LRRTM4: variants seen among roughly 807,000 people sequenced by gnomAD.
LRRTM4 encodes the protein leucine-rich repeat transmembrane neuronal protein 4.
LRRTM4 carries 25 observed loss-of-function variants against 47.6 expected under a neutral mutation model. The ratio of observed to expected loss-of-function variants is 0.53; its 90% CI spans 0.38 to 0.73. The LOEUF is 0.73. LRRTM4 is among the 30% of genes least tolerant of loss of function. The probability of loss-of-function intolerance (pLI) is 0.00; values close to 1 mark genes in which losing one functional copy is unlikely to be tolerated. For synonymous variants in LRRTM4, 311 were observed against 269.5 expected, an observed-to-expected ratio of 1.15 and a Z score of -1.51; for missense variants, 638 against 713.4, an observed-to-expected ratio of 0.89 and a Z score of 1.20.
intron 3 of LRRTM4, among the ~76,000 whole-genome samples, chr2:77,029,456 A>G (rs1236571238): frequency 2.0e-5 from 3 of 151,774 alleles, no homozygotes; most frequent in Admixed American, 6.6e-5. Context: ...TTGGAGTCTG[A>G]TGTTCGAGAG....
chr2:77,328,842 T>C (rs977768714), intron 3 of LRRTM4, among the ~76,000 whole-genome samples: 1 of 152,152 alleles, frequency 6.6e-6, no homozygotes, highest in African/African-American at 2.4e-5. Flanking sequence ...TGCTGATATC[T>C]CGAAAGGCAT....
chr2:76,792,729 C>T (rs1437102347), intron 3 of LRRTM4, among the ~76,000 whole-genome samples: 1 of 152,054 alleles, frequency 6.6e-6, no homozygotes, highest in Non-Finnish European at 1.5e-5. Flanking sequence ...TACTTCAGTA[C>T]ATTTTTCCTG....
At chr2:77,142,430 TACACAC>T (rs71381264) in intron 3 of LRRTM4, among the ~76,000 whole-genome samples, 44,362 of 145,218 alleles carry the variant, frequency 0.31, 6,674 homozygotes, top group East Asian at 0.39. Context: ...CACACACACA[TACACAC>T]ACACACACAC....
intron 3 of LRRTM4, among the ~76,000 whole-genome samples, chr2:77,310,993 T>C (rs772608544): frequency 9.4e-5 from 14 of 148,940 alleles, no homozygotes; most frequent in African/African-American, 2.6e-4. Flanking sequence ...TTTACACACA[T>C]ATATATATAG....
rs555809270 is a variant in LRRTM4 at position 76,998,274 on chromosome 2, G to A, written c.1552-249358C>T. ...CCTGCTATCCCATTCAGCTTATTCA[G>A]TTTAATCCTTCCTATTTCCTACATA... On this transcript the variant is annotated intron_variant, in intron 3 of 3. Transcript: ENST00000409884. Among the ~76,000 whole-genome samples, 7 of 152,110 alleles carry A rather than the reference G, an allele frequency of 4.6e-5. No individual in the cohort carries two copies. In the South Asian group the frequency reaches 1.2e-3, roughly 27 times the overall value.
In LRRTM4 at chr2:76,805,713, A is replaced by C. The variant is rs184855961; in HGVS notation, c.1552-56797T>G. Among the ~76,000 whole-genome samples the C allele has an allele frequency of 3.9e-5, 6 of 152,320 alleles. No homozygotes were observed. The East Asian group carries it at 1.2e-3, about 29-fold the overall frequency. On this transcript the variant is annotated intron_variant, in intron 3 of 3. Transcript: ENST00000409884. ...TAATGACGCATACCATGTATGAAGC[A>C]GTATGTTAAACCATCACGCATCCAC...
intron 3 of LRRTM4, chr2:76,772,965 C>G (rs1440495522): frequency 6.6e-6 from 1 of 152,116 alleles, no homozygotes; most frequent in African/African-American, 2.4e-5. Flanking sequence ...AAAAGCTAAG[C>G]AGGGTAGGGC....
chr2:77,225,218 TG>T (rs1195035151), intron 3 of LRRTM4, among the ~76,000 whole-genome samples: 1 of 30,412 alleles, frequency 3.3e-5, no homozygotes, highest in Non-Finnish European at 5.9e-5. Flanking sequence ...TGTTGTGGGG[TG>T]GGGGGAGGGG....
chr2:77,174,581 T>C (rs184911901), intron 3 of LRRTM4, among the ~76,000 whole-genome samples: 2 of 152,180 alleles, frequency 1.3e-5, no homozygotes, highest in African/African-American at 4.8e-5. Context: ...TCTCCTACCA[T>C]TGCCTGCTGG....
At chr2:76,804,360 A>G (rs1451412959) in intron 3 of LRRTM4, among the ~76,000 whole-genome samples, 6 of 152,044 alleles carry the variant, frequency 3.9e-5, no homozygotes, top group Non-Finnish European at 8.8e-5. Flanking sequence ...GTTGCTTGAA[A>G]TTTTATTTGA....
At chr2:76,806,336 C>G (rs1023826204) in intron 3 of LRRTM4, among the ~76,000 whole-genome samples, 6 of 152,144 alleles carry the variant, frequency 3.9e-5, no homozygotes, top group African/African-American at 1.4e-4. Flanking sequence ...AATCTCAGCA[C>G]TTTGGGAGTC....
At chr2:77,179,892 A>T (rs1673303628) in intron 3 of LRRTM4, among the ~76,000 whole-genome samples, 1 of 152,158 alleles carries the variant, frequency 6.6e-6, no homozygotes, top group Non-Finnish European at 1.5e-5. Flanking sequence ...TTCACCAAGA[A>T]ACAACATAGT....
intron 3 of LRRTM4, among the ~76,000 whole-genome samples, chr2:77,189,796 C>T (rs1673615441): frequency 6.6e-6 from 1 of 151,982 alleles, no homozygotes; most frequent in South Asian, 2.1e-4. Context: ...TTTATATATA[C>T]ACACATCTGA....
chr2:77,481,939 C>T (rs899463529), intron 3 of LRRTM4, among the ~76,000 whole-genome samples: 14 of 150,980 alleles, frequency 9.3e-5, no homozygotes, highest in Admixed American at 6.6e-4. Context: ...ATGAAATACA[C>T]CACTTCTCTC....
intron 3 of LRRTM4, among the ~76,000 whole-genome samples, chr2:77,364,770 A>G (rs915501504): frequency 6.6e-6 from 1 of 152,110 alleles, no homozygotes; most frequent in African/African-American, 2.4e-5. Context: ...TCTAGAGATC[A>G]TAGAATCACA....
At chr2:76,774,285 C>G (rs996301749) in intron 3 of LRRTM4, among the ~76,000 whole-genome samples, 1 of 151,632 alleles carries the variant, frequency 6.6e-6, no homozygotes, top group Non-Finnish European at 1.5e-5. Flanking sequence ...TCTGACTCCC[C>G]GGTTCAAGCA....
At chr2:76,830,507 AGTGTGTGCGTGTGTGTGT>A (rs974352853) in intron 3 of LRRTM4, among the ~76,000 whole-genome samples, 91 of 119,080 alleles carry the variant, frequency 7.6e-4, no homozygotes, top group Middle Eastern at 4.4e-3. Context: ...TATGTGTGGC[AGTGTGTGCGTGTGTGTGT>A]GTGTGTGTGT....
chr2:77,515,958 C>G (rs959482546), intron 3 of LRRTM4, among the ~76,000 whole-genome samples: 2 of 151,750 alleles, frequency 1.3e-5, no homozygotes, highest in African/African-American at 4.8e-5. Context: ...AATGGGGTGA[C>G]CCCTGCAATG....
chr2:77,030,777 A>C (rs904722530), intron 3 of LRRTM4, among the ~76,000 whole-genome samples: 1 of 152,218 alleles, frequency 6.6e-6, no homozygotes, highest in Non-Finnish European at 1.5e-5. Flanking sequence ...GCTAAAGACT[A>C]TTGGCAATCT....
Sources: allele counts gnomAD v4.1 joint callset (sites outside exome capture counted in the v4.1 genomes callset), GRCh38; gene constraint gnomAD v4.1.1; transcripts MANE v1.5; gene names NCBI Gene and HGNC (gene_info 2026-07-23, HGNC 2026-07-21).